The following AMPH variants were observed in gnomAD, a reference collection of about 807,000 sequenced individuals.
AMPH encodes the protein amphiphysin (Stiff-Mann syndrome with breast cancer 128kD autoantigen).
A neutral mutation model predicts 99.1 loss-of-function variants in AMPH; 49 were observed. The ratio of observed to expected loss-of-function variants is 0.49; its 90% CI spans 0.39 to 0.63. The LOEUF is 0.63. Ranked by LOEUF, AMPH falls within the 20% of genes least tolerant of loss-of-function variation. AMPH has a pLI of 0.00. For missense variants in AMPH, 759 were observed against 863.4 expected, an observed-to-expected ratio of 0.88 and a Z score of 1.52; for synonymous variants, 314 against 317.3, an observed-to-expected ratio of 0.99 and a Z score of 0.11.
chr7:38,496,095 G>A (rs924282798), intron 3 of AMPH, among the ~76,000 whole-genome samples: 2 of 152,154 alleles, frequency 1.3e-5, no homozygotes, highest in African/African-American at 4.8e-5. Flanking sequence ...ACAGGGAGAG[G>A]AGAGGAAAAT....
At chr7:38,395,900 A>G (rs1360554487) in intron 17 of AMPH, among the ~76,000 whole-genome samples, 1 of 152,270 alleles carries the variant, frequency 6.6e-6, no homozygotes, top group African/African-American at 2.4e-5. Flanking sequence ...TCAAAGGTAC[A>G]GGTAATAGTT....
intron 1 of AMPH, among the ~76,000 whole-genome samples, chr7:38,581,255 G>A (rs751414176): frequency 6.6e-6 from 1 of 152,190 alleles, no homozygotes. Context: ...AGGGGGGAAA[G>A]AGTGTTGGAG....
chr7:38,592,810 C>T (rs528785354), intron 1 of AMPH, among the ~76,000 whole-genome samples: 9 of 152,046 alleles, frequency 5.9e-5, no homozygotes, highest in Non-Finnish European at 1.2e-4. Flanking sequence ...AGACTCCCTG[C>T]ATCTCGGTTC....
At chr7:38,431,127 G>A (rs1431261037) in intron 13 of AMPH, among the ~76,000 whole-genome samples, 1 of 152,148 alleles carries the variant, frequency 6.6e-6, no homozygotes, top group African/African-American at 2.4e-5. Flanking sequence ...GCACCAATGA[G>A]ACCACCACAA....
intron 2 of AMPH, among the ~76,000 whole-genome samples, chr7:38,526,433 C>T (rs1374795986): frequency 3.9e-4 from 28 of 72,576 alleles, no homozygotes; most frequent in South Asian, 7.4e-4. Context: ...CCATGCCCGG[C>T]TTTTTTTTTT....
rs1787969102 is a variant in AMPH at position 38,473,645 on chromosome 7, A to G, written c.590+1686T>C. Reference sequence around the variant, plus strand: ...CGTGAACCCGGGAAGCGGAGCTTGCAGTGAGCCGAGATTGCGCCACTGCAG... The same window carrying G: ...CGTGAACCCGGGAAGCGGAGCTTGCGGTGAGCCGAGATTGCGCCACTGCAG... On this transcript the variant is annotated intron_variant, in intron 7 of 20. Coordinates refer to ENST00000356264, the MANE Select transcript of AMPH (RefSeq NM_001635.4). Among the ~76,000 whole-genome samples, 2 of 61,652 alleles carry G rather than the reference A, an allele frequency of 3.2e-5. 1 individual carries two copies. Among genetic ancestry groups the G allele is most frequent in the Non-Finnish European group, 5.7e-5 (2 of 35,296 alleles). 40.4% of individuals were successfully genotyped at this position (61,652 alleles called of 152,430 possible).
intron 1 of AMPH, among the ~76,000 whole-genome samples, chr7:38,596,857 ATC>A (rs111733350): frequency 0.34 from 51,677 of 151,860 alleles, 9,012 homozygotes; most frequent in Non-Finnish European, 0.38. Flanking sequence ...CTATGCATTT[ATC>A]TCTCTGTTTT....
chr7:38,630,463 G>A lies in AMPH; in HGVS notation c.69+820C>T, dbSNP rs909218442. 5.3e-5 allele frequency among the ~76,000 whole-genome samples: 8 copies of A among 152,174 alleles called. No individual in the cohort carries two copies. In the East Asian group the frequency reaches 1.2e-3, roughly 22 times the overall value. ...GGGGAAAAAAAATAAATTACTGTGC[G>A]CAATTTACTGAGGGACTTGCAAAAC... On this transcript the variant is annotated intron_variant, in intron 1 of 20. Coordinates refer to ENST00000356264, the MANE Select transcript of AMPH (RefSeq NM_001635.4).
chr7:38,609,757 G>C (rs1310957528), intron 1 of AMPH, among the ~76,000 whole-genome samples: 1 of 47,332 alleles, frequency 2.1e-5, no homozygotes, highest in Non-Finnish European at 4.5e-5. Flanking sequence ...GATTGCAGGT[G>C]CTGTGTTAAT....
intron 3 of AMPH, among the ~76,000 whole-genome samples, chr7:38,500,709 A>C (rs1317721394): frequency 6.6e-6 from 1 of 152,232 alleles, no homozygotes; most frequent in African/African-American, 2.4e-5. Flanking sequence ...TTCCGTGTTC[A>C]AATCCTAAAT....
chr7:38,509,556 A>C (rs1434317220), intron 2 of AMPH, among the ~76,000 whole-genome samples: 3 of 152,220 alleles, frequency 2.0e-5, no homozygotes, highest in Non-Finnish European at 4.4e-5. Context: ...TAGTGTGTTA[A>C]ACCGCCATCA....
At position 38,475,365 on chromosome 7, in the gene AMPH, C is replaced by A; in HGVS notation, c.556G>T (p.Asp186Tyr). The A allele has an allele frequency of 6.2e-7, 1 of 1,613,236 alleles. No homozygotes were observed. The highest frequency in any genetic ancestry group is 1.1e-5 in the South Asian group (1 of 90,998). The part of the protein sequence containing the change: ...AQKVFEEFNV[D>Y]LQEELPSLWS... ...AATGATGGTAACTCTTCTTGTAAGT[C>A]AACGTTAAACTCTTCAAACACTTTC... The change falls in exon 7 of 21, where the codon GAC becomes TAC. Residue 186 changes from aspartate (D) to tyrosine (Y), a missense_variant. By Grantham distance (160) the Asp-to-Tyr change is radical. Coordinates refer to ENST00000356264, the MANE Select transcript of AMPH (RefSeq NM_001635.4).
intron 1 of AMPH, among the ~76,000 whole-genome samples, chr7:38,552,723 C>T (rs999662101): frequency 6.6e-6 from 1 of 152,280 alleles, no homozygotes; most frequent in Non-Finnish European, 1.5e-5. Context: ...CAGCCAGGCT[C>T]AAATAAGGGA....
chr7:38,442,516 T>G (rs891464821), intron 11 of AMPH, among the ~76,000 whole-genome samples: 1 of 152,188 alleles, frequency 6.6e-6, no homozygotes, highest in Non-Finnish European at 1.5e-5. Flanking sequence ...TGGAAATTGT[T>G]AACAGAATGG....
chr7:38,573,120 G>A (rs1194996446), intron 1 of AMPH, among the ~76,000 whole-genome samples: 2 of 152,114 alleles, frequency 1.3e-5, no homozygotes, highest in African/African-American at 4.8e-5. Context: ...TTCTGCTGTT[G>A]TCAATATCAA....
intron 17 of AMPH, among the ~76,000 whole-genome samples, chr7:38,398,994 T>C (rs78270443): frequency 0.058 from 8,834 of 152,300 alleles, 358 homozygotes; most frequent in East Asian, 0.19. Context: ...GCTGTGATTT[T>C]TGTCACATAA....
chr7:38,562,606 A>G (rs1204488971), intron 1 of AMPH, among the ~76,000 whole-genome samples: 1 of 151,028 alleles, frequency 6.6e-6, no homozygotes, highest in South Asian at 2.2e-4. Flanking sequence ...CTGAGGCAAT[A>G]TTGGGATTGT....
At chr7:38,549,036 A>G (rs1480594948) in intron 1 of AMPH, among the ~76,000 whole-genome samples, 1 of 152,170 alleles carries the variant, frequency 6.6e-6, no homozygotes, top group Non-Finnish European at 1.5e-5. Flanking sequence ...CAGCTTGCTT[A>G]TCTATGTTGG....
At chr7:38,406,879 G>A (rs560179562) in intron 17 of AMPH, among the ~76,000 whole-genome samples, 33 of 149,110 alleles carry the variant, frequency 2.2e-4, no homozygotes, top group Admixed American at 1.8e-3. Flanking sequence ...ATCACACAGA[G>A]CTTCATTGTC....
Sources: gnomAD v4.1 joint callset for allele counts (sites outside exome capture counted in the v4.1 genomes callset) on GRCh38, gnomAD v4.1.1 for gene constraint, MANE v1.5 for transcripts, NCBI Gene and HGNC (gene_info 2026-07-23, HGNC 2026-07-21) for gene names.